NEK7: variants seen among roughly 807,000 people sequenced by gnomAD.
NEK7 encodes the protein serine/threonine-protein kinase Nek7.
In NEK7, 18 loss-of-function variants were observed where a neutral mutation model predicts 44.6. The ratio of observed to expected loss-of-function variants is 0.40; its 90% CI spans 0.28 to 0.60. NEK7 has a LOEUF of 0.60. Among genes scored for constraint, NEK7 ranks in the 20% least tolerant of loss-of-function variants. The probability of loss-of-function intolerance (pLI) is 0.38; values close to 1 mark genes in which losing one functional copy is unlikely to be tolerated. For synonymous variants in NEK7, 130 were observed against 121.1 expected, an observed-to-expected ratio of 1.07 and a Z score of -0.48; for missense variants, 256 against 366.5, an observed-to-expected ratio of 0.70 and a Z score of 2.46.
intron 7 of NEK7, among the ~76,000 whole-genome samples, chr1:198,291,543 T>C (rs937812647): frequency 3.3e-5 from 5 of 152,220 alleles, no homozygotes; most frequent in African/African-American, 1.2e-4. Flanking sequence ...AAGTAAATGC[T>C]ACAATTAAAT....
intron 1 of NEK7, among the ~76,000 whole-genome samples, chr1:198,208,315 T>A (rs1450311686): frequency 6.6e-6 from 1 of 152,218 alleles, no homozygotes; most frequent in African/African-American, 2.4e-5. Flanking sequence ...TCTAGGTAGC[T>A]GGGGGCAGTA....
rs200347736 is a variant in NEK7 at position 198,255,179 on chromosome 1, G to A, written c.198+1999G>A. Among the ~76,000 whole-genome samples, 15 of 152,268 alleles carry A rather than the reference G, an allele frequency of 9.9e-5. No individual in the cohort carries two copies. The East Asian group carries it at 2.7e-3, about 27-fold the overall frequency. On this transcript the variant is annotated intron_variant, in intron 3 of 9. Transcript: ENST00000367385. ...AGCCCAGATTGTGGTGAGCATTGGA[G>A]CCAGACAGAGGAATTTGAACCGTAG...
chr1:198,238,426 A>G (rs1212273029), intron 2 of NEK7, among the ~76,000 whole-genome samples: 2 of 152,106 alleles, frequency 1.3e-5, no homozygotes, highest in African/African-American at 4.8e-5. Context: ...TCCTTATTGC[A>G]GTCATCTTCT....
intron 6 of NEK7, 70 bp from the exon 7 acceptor site, chr1:198,278,884 T>C: frequency 1.3e-6 from 1 of 767,030 alleles, no homozygotes; most frequent in Non-Finnish European, 2.2e-6. Context: ...TCACGAAAAG[T>C]AGTTGTTAAT....
chr1:198,231,301 G>GTATATATATA (rs749263549), intron 1 of NEK7, among the ~76,000 whole-genome samples: 57 of 86,918 alleles, frequency 6.6e-4, no homozygotes, highest in African/African-American at 2.1e-3. Context: ...ATGTGTGTGT[G>GTATATATATA]TATATATATA....
At chr1:198,183,640 CT>C (rs1201326524) in intron 1 of NEK7, among the ~76,000 whole-genome samples, 3 of 151,012 alleles carry the variant, frequency 2.0e-5, no homozygotes, top group Non-Finnish European at 3.0e-5. Flanking sequence ...ATTTCTGCTG[CT>C]TTTTTTTTGG....
At chr1:198,244,738 C>T (rs1422763102) in intron 2 of NEK7, among the ~76,000 whole-genome samples, 1 of 151,910 alleles carries the variant, frequency 6.6e-6, no homozygotes, top group East Asian at 1.9e-4. Flanking sequence ...GGGCCTTTTA[C>T]ATTCATTTAG....
intron 3 of NEK7, among the ~76,000 whole-genome samples, chr1:198,254,783 CAGCATA>C (rs1385142225): frequency 1.3e-5 from 2 of 152,126 alleles, no homozygotes; most frequent in Non-Finnish European, 2.9e-5. Flanking sequence ...TTTTCGCCAG[CAGCATA>C]TAAGAATTGC....
chr1:198,250,534 T>C (rs1177066614), intron 2 of NEK7, among the ~76,000 whole-genome samples: 2 of 146,264 alleles, frequency 1.4e-5, no homozygotes, highest in African/African-American at 5.0e-5. Context: ...CTTCCATTTG[T>C]TTGTATCCTC....
intron 4 of NEK7, among the ~76,000 whole-genome samples, chr1:198,263,468 G>A (rs75013179): frequency 0.03 from 4,500 of 151,870 alleles, 103 homozygotes; most frequent in Non-Finnish European, 0.041. Flanking sequence ...CATACTTTCT[G>A]CATAATTTCT....
At chr1:198,257,908 C>T (rs1237526420) in intron 3 of NEK7, among the ~76,000 whole-genome samples, 1 of 151,800 alleles carries the variant, frequency 6.6e-6, no homozygotes, top group Non-Finnish European at 1.5e-5. Flanking sequence ...TAGTGGGACA[C>T]AATAATTAAA....
intron 7 of NEK7, among the ~76,000 whole-genome samples, chr1:198,288,660 C>G (rs187005592): frequency 6.6e-6 from 1 of 152,270 alleles, no homozygotes; most frequent in African/African-American, 2.4e-5. Flanking sequence ...ATTGAAACAT[C>G]TTATAAAACT....
intron 1 of NEK7, among the ~76,000 whole-genome samples, chr1:198,225,669 G>A (rs553277958): frequency 4.6e-5 from 7 of 152,062 alleles, no homozygotes; most frequent in Admixed American, 1.3e-4. Context: ...CCCACCCACC[G>A]TCTCCCACAA....
chr1:198,247,544 TA>T (rs1205729458), intron 2 of NEK7, among the ~76,000 whole-genome samples: 3 of 152,196 alleles, frequency 2.0e-5, no homozygotes, highest in Non-Finnish European at 4.4e-5. Flanking sequence ...ATTGTTGTAG[TA>T]ATTATAAGAA....
At chr1:198,210,684 A>G (rs1180360097) in intron 1 of NEK7, among the ~76,000 whole-genome samples, 1 of 130,360 alleles carries the variant, frequency 7.7e-6, no homozygotes, top group East Asian at 2.5e-4. Flanking sequence ...TATAATATTT[A>G]TTATTTTGAT....
chr1:198,226,417 C>T (rs1470155858), intron 1 of NEK7, among the ~76,000 whole-genome samples: 1 of 151,824 alleles, frequency 6.6e-6, no homozygotes, highest in Non-Finnish European at 1.5e-5. Flanking sequence ...TGGTGGCACA[C>T]ACCTGTAATC....
chr1:198,231,946 G>A (rs56888849), intron 1 of NEK7, among the ~76,000 whole-genome samples: 19,410 of 151,978 alleles, frequency 0.13, 1,889 homozygotes, highest in African/African-American at 0.26. Flanking sequence ...GGAGTGTAAG[G>A]GCTGTGTGTC....
intron 5 of NEK7, among the ~76,000 whole-genome samples, chr1:198,271,905 T>TTTATATA (rs751259588): frequency 1.2e-3 from 166 of 141,362 alleles, no homozygotes; most frequent in East Asian, 1.7e-3. Flanking sequence ...AATTTATATT[T>TTTATATA]TATATATATA....
intron 1 of NEK7, among the ~76,000 whole-genome samples, chr1:198,211,143 A>G (rs1489602717): frequency 6.6e-6 from 1 of 152,158 alleles, no homozygotes; most frequent in East Asian, 1.9e-4. Flanking sequence ...GAAGAGAACT[A>G]TGGGGTTAAC....
Sources: allele counts gnomAD v4.1 joint callset (sites outside exome capture counted in the v4.1 genomes callset), GRCh38; gene constraint gnomAD v4.1.1; transcripts MANE v1.5; gene names NCBI Gene and HGNC (gene_info 2026-07-23, HGNC 2026-07-21).